Variants in ZSWIM6 observed in about 807,000 individuals in gnomAD.
ZSWIM6 encodes zinc finger SWIM domain-containing protein 6.
In ZSWIM6, 9 loss-of-function variants were observed where a neutral mutation model predicts 113.2. The ratio of observed to expected loss-of-function variants is 0.08; its 90% CI spans 0.05 to 0.14. The LOEUF (loss-of-function observed/expected upper bound fraction) is 0.14, where lower values mean the gene tolerates loss of function less well. Among genes scored for constraint, ZSWIM6 ranks in the 10% least tolerant of loss-of-function variants. The pLI, the probability that ZSWIM6 is intolerant of heterozygous loss-of-function variation, is 1.00. For missense variants in ZSWIM6, 1,162 were observed against 1,552.2 expected (o/e 0.75, Z 4.22); for synonymous variants, 611 against 606.5 (o/e 1.01, Z -0.11).
At chr5:61,335,164 G>A (rs1303350854) in intron 1 of ZSWIM6, among the ~76,000 whole-genome samples, 3 of 152,258 alleles carry the variant, frequency 2.0e-5, no homozygotes, top group Admixed American at 6.5e-5. Flanking sequence ...AGTCCCCAAA[G>A]GGGAAGAGGC....
At chr5:61,539,874 C>A in intron 12 of ZSWIM6, 115 bp downstream of exon 12, 1 of 1,042,212 alleles carries the variant, frequency 9.6e-7, no homozygotes, top group South Asian at 1.7e-5. Flanking sequence ...CTTTGGAGTA[C>A]AAATCTGTTA....
At chr5:61,512,450 CAT>C (rs1748815326) in intron 4 of ZSWIM6, among the ~76,000 whole-genome samples, 1 of 152,096 alleles carries the variant, frequency 6.6e-6, no homozygotes, top group Non-Finnish European at 1.5e-5. Flanking sequence ...TTTGTGTGAA[CAT>C]AAATTTGTAT....
intron 10 of ZSWIM6, 134 bp downstream of exon 10, chr5:61,535,753 G>T: frequency 8.4e-7 from 1 of 1,184,102 alleles, no homozygotes; most frequent in Non-Finnish European, 1.2e-6. Flanking sequence ...TATGCTTCCT[G>T]TATTGTTGTG....
intron 4 of ZSWIM6, among the ~76,000 whole-genome samples, chr5:61,516,443 CATATATATATATATAAAAACT>C (rs1399208374): frequency 7.1e-6 from 1 of 140,922 alleles, no homozygotes; most frequent in African/African-American, 2.6e-5. Context: ...CAAAAATATA[CATATATATATATATAAAAACT>C]ATATATATAT....
At chr5:61,526,495 A>G (rs968343342) in intron 7 of ZSWIM6, 99 bp downstream of exon 7, 2 of 1,339,524 alleles carry the variant, frequency 1.5e-6, no homozygotes, top group Middle Eastern at 1.9e-4. Context: ...AACTAAAACC[A>G]TAGATGATGG....
At position 61,526,366 on chromosome 5, in the gene ZSWIM6, C is replaced by G. The variant is rs1308844857; in HGVS notation, c.1807C>G (p.Gln603Glu). The G allele has an allele frequency of 1.3e-6, 2 of 1,551,874 alleles. No homozygotes were observed. The highest frequency in any genetic ancestry group is 2.7e-5 in the African/African-American group (2 of 72,984). Residue 603 changes from glutamine to glutamate, a missense_variant, in exon 7 of 14, where the codon CAG becomes GAG. Transcript: ENST00000252744. ...VNTLRRQQQK[Q>E]LEMFRTQKKE... ...TACATTAAGACGACAGCAGCAGAAA[C>G]AGTTGGAAATGTTCCGAACCCAAAA...
chr5:61,414,627 G>A (rs1036817912), intron 1 of ZSWIM6, among the ~76,000 whole-genome samples: 4 of 152,138 alleles, frequency 2.6e-5, no homozygotes, highest in African/African-American at 9.7e-5. Context: ...GGAGATGTCC[G>A]TCTCCTCTGT....
In ZSWIM6 at chr5:61,472,911, A is replaced by C; in HGVS notation, c.907A>C (p.Asn303His). 6.4e-7 allele frequency: 1 copy of C among 1,551,696 alleles called. No individual in the cohort carries two copies. The highest frequency in any genetic ancestry group is 8.7e-7 in the Non-Finnish European group (1 of 1,146,944). Reference protein sequence around the residue: ...LPISETLFQMNRDQLQKFVQY... With the variant: ...LPISETLFQMHRDQLQKFVQY... ...TATTTCAGAGACTCTCTTTCAAATG[A>C]ATAGAGACCAACTGCAAAAGTTTGT... The change falls in exon 2 of 14, where the codon AAT (asparagine) becomes CAT (histidine). Residue 303 changes from asparagine to histidine, a missense_variant. Physicochemically the swap from Asn to His is moderately conservative, Grantham distance 68. Transcript: ENST00000252744. The surrounding 1 kb of genome is among the most constrained non-coding windows in gnomAD (Gnocchi z 4.1).
intron 1 of ZSWIM6, among the ~76,000 whole-genome samples, chr5:61,467,140 C>G (rs1436144074): frequency 3.9e-5 from 6 of 152,172 alleles, no homozygotes; most frequent in Non-Finnish European, 8.8e-5. Flanking sequence ...CTTCAACTTT[C>G]TGGTATCACT....
chr5:61,518,340 T>A (rs961270981), intron 4 of ZSWIM6, among the ~76,000 whole-genome samples: 1 of 151,662 alleles, frequency 6.6e-6, no homozygotes, highest in Non-Finnish European at 1.5e-5. Flanking sequence ...TATTTCTAGT[T>A]CTAGATCCCT....
chr5:61,364,843 C>G (rs936228801), intron 1 of ZSWIM6, among the ~76,000 whole-genome samples: 1 of 152,166 alleles, frequency 6.6e-6, no homozygotes, highest in Non-Finnish European at 1.5e-5. Flanking sequence ...GTTCTACCAC[C>G]TAACACCATC....
At chr5:61,388,634 A>C (rs971807275) in intron 1 of ZSWIM6, among the ~76,000 whole-genome samples, 7 of 152,252 alleles carry the variant, frequency 4.6e-5, no homozygotes, top group African/African-American at 1.7e-4. Flanking sequence ...CAAGGCACAG[A>C]TATTAAGTAA....
intron 1 of ZSWIM6, among the ~76,000 whole-genome samples, chr5:61,466,378 A>G (rs1341942837): frequency 6.6e-6 from 1 of 151,494 alleles, no homozygotes; most frequent in Non-Finnish European, 1.5e-5. Flanking sequence ...TTACAGAAAA[A>G]CTCCTCACAA....
At position 61,451,520 on chromosome 5, in the gene ZSWIM6, T is replaced by C. The variant is rs76652135; in HGVS notation, c.677-21161T>C. 4.3e-4 allele frequency among the ~76,000 whole-genome samples: 66 copies of C among 152,296 alleles called. No individual in the cohort carries two copies. In the East Asian group the frequency reaches 0.01, roughly 24 times the overall value. On this transcript the variant is annotated intron_variant, in intron 1 of 13. Transcript: ENST00000252744. ...CCTGTAAGGGAGGCAAGAGTATTCA[T>C]GATTATTTGAGGCAGCTCAAATGGG... is the stretch of plus-strand genomic sequence containing the variant.
intron 1 of ZSWIM6, among the ~76,000 whole-genome samples, chr5:61,423,281 G>A (rs1353831170): frequency 1.3e-5 from 2 of 152,204 alleles, no homozygotes; most frequent in South Asian, 2.1e-4. Context: ...GGTGGCGGAT[G>A]CCTGTAATCC....
Position 61,332,935 on chromosome 5 carries a change from C to A in ZSWIM6, c.663C>A (p.Asn221Lys). ...IALLESGCVDNVLQVGFHLSG... is the reference protein window; with the variant it reads ...IALLESGCVDKVLQVGFHLSG... ...TGTTGGAAAGCGGCTGCGTAGACAA[C>A]GTCCTGCAAGTCGGTGAGTCACGGG... The change falls in exon 1 of 14, where the codon AAC (asparagine) becomes AAA (lysine). Residue 221 changes from asparagine to lysine, a missense_variant. Physicochemically the swap from Asn to Lys is moderately conservative, Grantham distance 94. Around this residue, in one of 4 missense-constraint regions of ZSWIM6, gnomAD observed 333 missense variants for 293.4 expected, o/e 1.13. Coordinates refer to ENST00000252744, the MANE Select transcript of ZSWIM6 (RefSeq NM_020928.2). 7.4e-7 allele frequency: 1 copy of A among 1,348,928 alleles called. No homozygotes were observed. The highest frequency in any genetic ancestry group is 1.5e-5 in the African/African-American group (1 of 65,584). 83.6% of individuals were successfully genotyped at this position (1,348,928 alleles called of 1,614,324 possible).
intron 12 of ZSWIM6, among the ~76,000 whole-genome samples, chr5:61,541,133 G>A (rs938824135): frequency 1.3e-5 from 2 of 151,922 alleles, no homozygotes; most frequent in South Asian, 4.2e-4. Context: ...TAATAGAGAC[G>A]GGGTTTCACC....
chr5:61,372,764 T>G (rs1404766509), intron 1 of ZSWIM6, among the ~76,000 whole-genome samples: 1 of 152,234 alleles, frequency 6.6e-6, no homozygotes, highest in Non-Finnish European at 1.5e-5. Context: ...AAACCTGCTT[T>G]TCTCTATTAG....
At chr5:61,384,539 T>C (rs1020350903) in intron 1 of ZSWIM6, among the ~76,000 whole-genome samples, 4 of 152,160 alleles carry the variant, frequency 2.6e-5, no homozygotes, top group East Asian at 3.8e-4. Flanking sequence ...CATGAGATTA[T>C]GGGGTTTAGA....
Sources: allele counts gnomAD v4.1 joint callset (sites outside exome capture counted in the v4.1 genomes callset), GRCh38; gene constraint gnomAD v4.1.1; regional missense constraint gnomAD v4.1.1; non-coding constraint Gnocchi (gnomAD v3.1); transcripts MANE v1.5; gene names NCBI Gene and HGNC (gene_info 2026-07-23, HGNC 2026-07-21).